SLIT2: variants seen among roughly 807,000 people sequenced by gnomAD.
SLIT2 encodes the protein slit guidance ligand 2.
SLIT2 carries 41 observed loss-of-function variants against 185.7 expected under a neutral mutation model. The ratio of observed to expected loss-of-function variants is 0.22; its 90% CI spans 0.17 to 0.29. The LOEUF (loss-of-function observed/expected upper bound fraction) is 0.29. Ranked by LOEUF, SLIT2 falls within the 10% of genes least tolerant of loss-of-function variation. The pLI is 1.00. For missense variants in SLIT2, 1,571 were observed against 1,909.0 expected (o/e 0.82, Z 3.30); for synonymous variants, 693 against 680.2 (o/e 1.02, Z -0.29).
chr4:20,589,141 C>G (rs979369193), intron 29 of SLIT2, among the ~76,000 whole-genome samples: 1 of 152,086 alleles, frequency 6.6e-6, no homozygotes, highest in African/African-American at 2.4e-5. Flanking sequence ...ACAGTCACAG[C>G]TAGCCTATGG....
chr4:20,258,411 TAGCGTGGTGAACA>T (rs1712088144), intron 3 of SLIT2, among the ~76,000 whole-genome samples: 1 of 151,814 alleles, frequency 6.6e-6, no homozygotes, highest in Admixed American at 6.6e-5. Flanking sequence ...TTTTTATATT[TAGCGTGGTGAACA>T]TTGTTATTGT....
intron 23 of SLIT2, 75 bp from the exon 24 acceptor site, chr4:20,548,976 GCCTTAA>G: frequency 1.3e-6 from 1 of 783,294 alleles, no homozygotes; most frequent in Admixed American, 1.9e-5. Flanking sequence ...GCTTTAATAA[GCCTTAA>G]CTGCTTTATT....
intron 4 of SLIT2, among the ~76,000 whole-genome samples, chr4:20,291,480 ATATATATATATATTTTTTTTTTTTT>A (rs1469114524): frequency 2.8e-4 from 4 of 14,042 alleles, no homozygotes; most frequent in Non-Finnish European, 4.7e-4. Context: ...ATATATATAT[ATATATATATATATTTTTTTTTTTTT>A]TTTTTTTTTT....
At chr4:20,522,825 C>T (rs1416050734) in intron 12 of SLIT2, among the ~76,000 whole-genome samples, 1 of 152,174 alleles carries the variant, frequency 6.6e-6, no homozygotes. Flanking sequence ...ATTTATTGAG[C>T]TCCCAGTATG....
chr4:20,610,815 G>A (rs1214526085), intron 34 of SLIT2, among the ~76,000 whole-genome samples: 1 of 152,194 alleles, frequency 6.6e-6, no homozygotes, highest in African/African-American at 2.4e-5. Context: ...GGTTGGAAAG[G>A]TAGGTTAGGA....
intron 4 of SLIT2, among the ~76,000 whole-genome samples, chr4:20,412,737 TAG>T (rs1426574643): frequency 2.0e-5 from 3 of 152,148 alleles, no homozygotes; most frequent in African/African-American, 7.2e-5. Flanking sequence ...TATATTTTCA[TAG>T]AGTTATGTAA....
chr4:20,368,219 C>CAAAAAAAAAAAAAAAAAAAAAAAG (rs71653879), intron 4 of SLIT2, among the ~76,000 whole-genome samples: 1 of 107,430 alleles, frequency 9.3e-6, no homozygotes. Context: ...CACAAAATAG[C>CAAAAAAAAAAAAAAAAAAAAAAAG]AAAAAAAAAA....
At chr4:20,477,281 A>T (rs1184016602) in intron 5 of SLIT2, among the ~76,000 whole-genome samples, 1 of 151,762 alleles carries the variant, frequency 6.6e-6, no homozygotes, top group African/African-American at 2.4e-5. Flanking sequence ...GGCGCGCTGC[A>T]ACCTCCACCT....
intron 18 of SLIT2, among the ~76,000 whole-genome samples, chr4:20,535,515 C>T (rs561527017): frequency 3.9e-5 from 6 of 152,078 alleles, no homozygotes; most frequent in South Asian, 2.1e-4. Flanking sequence ...GGGAGGAAGG[C>T]GGTAGGCTGT....
chr4:20,495,366 C>T (rs1333245672), intron 9 of SLIT2, among the ~76,000 whole-genome samples: 1 of 152,100 alleles, frequency 6.6e-6, no homozygotes, highest in Non-Finnish European at 1.5e-5. Context: ...GGAGCAAGAT[C>T]AGTCTGGACA....
At chr4:20,503,746 A>G (rs1237515714) in intron 9 of SLIT2, among the ~76,000 whole-genome samples, 3 of 152,178 alleles carry the variant, frequency 2.0e-5, no homozygotes, top group East Asian at 1.9e-4. Flanking sequence ...TTTCTCTCCT[A>G]TAAAAACACC....
At position 20,490,685 on chromosome 4, in the gene SLIT2, A is replaced by G; in HGVS notation, c.776-1076A>G. 4.2e-6 allele frequency: 3 copies of G among 721,772 alleles called. No homozygotes were observed. In the South Asian group the frequency reaches 5.3e-5, roughly 13 times the overall value. 44.7% of individuals were successfully genotyped at this position (721,772 alleles called of 1,614,324 possible). A position where few individuals can be genotyped will look rare whatever the true frequency, so the allele number is the denominator to read the frequency against. On this transcript the variant is annotated intron_variant, in intron 8 of 36. Transcript: ENST00000504154. ...AACCTAAGAAAAATTTTTGTATAAT[A>G]TCATGGAATGTTCTCAATATGTCTG...
intron 4 of SLIT2, among the ~76,000 whole-genome samples, chr4:20,322,045 A>C (rs564125926): frequency 1.3e-5 from 2 of 152,294 alleles, no homozygotes; most frequent in East Asian, 3.9e-4. Flanking sequence ...TGCTTTAGCT[A>C]AGATAGTTAT....
intron 4 of SLIT2, among the ~76,000 whole-genome samples, chr4:20,327,656 T>C (rs1450915290): frequency 6.6e-6 from 1 of 152,060 alleles, no homozygotes; most frequent in Non-Finnish European, 1.5e-5. Context: ...TTATTTCTTA[T>C]GTGAAGTGAT....
intron 4 of SLIT2, among the ~76,000 whole-genome samples, chr4:20,297,009 GCTTT>G (rs1716547921): frequency 6.6e-6 from 1 of 152,144 alleles, no homozygotes. Flanking sequence ...CCTTGAACAT[GCTTT>G]ACAGTTAATA....
Position 20,521,858 on chromosome 4 carries a change from T to C in SLIT2, c.1131-1902T>C, listed in dbSNP as rs534022097. On this transcript the variant is annotated intron_variant, in intron 12 of 36. Coordinates refer to ENST00000504154, the MANE Select transcript of SLIT2 (RefSeq NM_004787.4). ...CCATGTTAACATAGAGATTGTTTTA[T>C]TGTCAAAGGAGAAAATATTTTTTAG... 2.0e-5 allele frequency among the ~76,000 whole-genome samples: 3 copies of C among 149,858 alleles called. No homozygotes were observed. In the East Asian group the frequency reaches 6.1e-4, roughly 30 times the overall value.
At chr4:20,600,028 T>G (rs1461976407) in intron 33 of SLIT2, among the ~76,000 whole-genome samples, 1 of 152,218 alleles carries the variant, frequency 6.6e-6, no homozygotes, top group African/African-American at 2.4e-5. Context: ...ACAATACTTA[T>G]TTTATCTCCA....
At chr4:20,458,600 A>G (rs1713351385) in intron 4 of SLIT2, among the ~76,000 whole-genome samples, 1 of 152,190 alleles carries the variant, frequency 6.6e-6, no homozygotes, top group Non-Finnish European at 1.5e-5. Context: ...TTCAAATAAC[A>G]TTTTGAAACC....
intron 4 of SLIT2, among the ~76,000 whole-genome samples, chr4:20,311,614 A>T (rs1475847067): frequency 6.6e-6 from 1 of 152,204 alleles, no homozygotes; most frequent in Non-Finnish European, 1.5e-5. Context: ...GTTTGTTCTT[A>T]AGAATAAGAA....
Sources: gnomAD v4.1 joint callset for allele counts (sites outside exome capture counted in the v4.1 genomes callset) on GRCh38, gnomAD v4.1.1 for gene constraint, MANE v1.5 for transcripts, NCBI Gene and HGNC (gene_info 2026-07-23, HGNC 2026-07-21) for gene names.